NRXN3: variants seen among roughly 807,000 people sequenced by gnomAD.
NRXN3 encodes neurexin III.
Under a neutral mutation model 137.6 loss-of-function variants are expected in NRXN3, and 32 were observed. That is an observed-to-expected ratio of 0.23 (90% CI 0.18 to 0.31). The LOEUF (loss-of-function observed/expected upper bound fraction) is 0.31. NRXN3 is among the 10% of genes least tolerant of loss of function. The pLI is 1.00. For synonymous variants in NRXN3, 798 were observed against 784.5 expected, an observed-to-expected ratio of 1.02 and a Z score of -0.29; for missense variants, 1,574 against 2,062.5, an observed-to-expected ratio of 0.76 and a Z score of 4.59.
intron 8 of NRXN3, among the ~76,000 whole-genome samples, chr14:78,793,050 T>C (rs530478570): frequency 3.9e-4 from 60 of 152,300 alleles, no homozygotes; most frequent in African/African-American, 1.3e-3. Flanking sequence ...CTTGAGGGGA[T>C]GGATACCCCA....
intron 19 of NRXN3, among the ~76,000 whole-genome samples, chr14:79,723,475 A>C (rs1225595834): frequency 6.6e-6 from 1 of 152,136 alleles, no homozygotes; most frequent in Non-Finnish European, 1.5e-5. Flanking sequence ...TGCTCATGCC[A>C]AAAGCAGAGT....
chr14:79,645,441 C>T (rs1160034984), intron 16 of NRXN3, among the ~76,000 whole-genome samples: 3 of 133,060 alleles, frequency 2.3e-5, no homozygotes, highest in Non-Finnish European at 3.5e-5. Flanking sequence ...CATGGTGAAA[C>T]CCCATCTCTA....
intron 8 of NRXN3, among the ~76,000 whole-genome samples, chr14:78,802,422 T>C (rs143641349): frequency 0.013 from 1,931 of 152,206 alleles, 41 homozygotes; most frequent in African/African-American, 0.044. Context: ...TTAGGAGATA[T>C]ACCTAATGTT....
At chr14:78,616,790 C>T (rs1174486090) in intron 4 of NRXN3, among the ~76,000 whole-genome samples, 1 of 152,162 alleles carries the variant, frequency 6.6e-6, no homozygotes, top group Non-Finnish European at 1.5e-5. Flanking sequence ...GTTCTTAAAA[C>T]ACAACTGGAG....
chr14:78,287,128 TTAAAA>T (rs914867018), intron 3 of NRXN3, among the ~76,000 whole-genome samples: 7 of 152,156 alleles, frequency 4.6e-5, no homozygotes, highest in African/African-American at 1.7e-4. Flanking sequence ...AATCACTGTT[TTAAAA>T]TAAAGTCATC....
intron 8 of NRXN3, among the ~76,000 whole-genome samples, chr14:78,743,540 C>T (rs577950482): frequency 6.6e-6 from 1 of 152,282 alleles, no homozygotes; most frequent in South Asian, 2.1e-4. Flanking sequence ...GCTTGCCTGA[C>T]ATTTCTAACT....
intron 10 of NRXN3, among the ~76,000 whole-genome samples, chr14:78,931,825 T>C (rs769776092): frequency 6.6e-6 from 1 of 152,170 alleles, no homozygotes; most frequent in Non-Finnish European, 1.5e-5. Flanking sequence ...TGGCAAATTT[T>C]GGGAAGCAGA....
rs983858242 is a variant in NRXN3 at position 78,420,634 on chromosome 14, G to A, written c.757+122774G>A. Among the ~76,000 whole-genome samples, 5 of 152,264 alleles carry A rather than the reference G, an allele frequency of 3.3e-5. No homozygotes were observed. The South Asian group carries it at 1.0e-3, about 32-fold the overall frequency. On this transcript the variant is annotated intron_variant, in intron 4 of 20. Coordinates refer to ENST00000335750, the MANE Select transcript of NRXN3 (RefSeq NM_001330195.2). ...AAGAGCTATGAAATATATTAATAAC[G>A]AATATTCTCACCTGAAAACTATGAA...
At chr14:79,719,396 A>ATGTGTGTATATATATG (rs747157095) in intron 19 of NRXN3, among the ~76,000 whole-genome samples, 338 of 22,846 alleles carry the variant, frequency 0.015, 2 homozygotes, top group East Asian at 0.04. Context: ...GTGTATATAT[A>ATGTGTGTATATATATG]TGTGTGTATA....
At chr14:79,665,444 A>G (rs964604800) in intron 17 of NRXN3, among the ~76,000 whole-genome samples, 1 of 152,178 alleles carries the variant, frequency 6.6e-6, no homozygotes, top group South Asian at 2.1e-4. Context: ...CAAATTCACT[A>G]CACACTAATA....
chr14:79,133,486 G>A (rs2057832136), intron 15 of NRXN3, among the ~76,000 whole-genome samples: 1 of 152,038 alleles, frequency 6.6e-6, no homozygotes, highest in Non-Finnish European at 1.5e-5. Context: ...GAGCTTTTGT[G>A]TTTTTCTGCT....
chr14:79,813,855 C>T (rs916531314), intron 20 of NRXN3, among the ~76,000 whole-genome samples: 1 of 152,056 alleles, frequency 6.6e-6, no homozygotes, highest in African/African-American at 2.4e-5. Flanking sequence ...AAGAAAAACA[C>T]ATAGAAATGA....
At chr14:78,932,993 G>C (rs1386272508) in intron 10 of NRXN3, among the ~76,000 whole-genome samples, 2 of 152,168 alleles carry the variant, frequency 1.3e-5, no homozygotes, top group Non-Finnish European at 2.9e-5. Flanking sequence ...ATAGCTCATA[G>C]GCAATTCCAA....
chr14:79,501,176 T>A (rs2096822785), intron 16 of NRXN3, among the ~76,000 whole-genome samples: 1 of 152,124 alleles, frequency 6.6e-6, no homozygotes, highest in African/African-American at 2.4e-5. Flanking sequence ...AATGAATTGT[T>A]TGTATGTCTG....
At chr14:78,913,240 C>T (rs1463990854) in intron 10 of NRXN3, among the ~76,000 whole-genome samples, 1 of 136,800 alleles carries the variant, frequency 7.3e-6, no homozygotes, top group African/African-American at 2.8e-5. Flanking sequence ...TTTTTCTTTT[C>T]CTTTCTTTTC....
At chr14:79,147,391 C>T (rs927095168) in intron 15 of NRXN3, among the ~76,000 whole-genome samples, 3 of 152,062 alleles carry the variant, frequency 2.0e-5, no homozygotes, top group Admixed American at 2.0e-4. Flanking sequence ...TGTCATGTTT[C>T]GCAAGGAGGT....
chr14:79,811,861 C>T (rs56027663), intron 20 of NRXN3, among the ~76,000 whole-genome samples: 63,045 of 151,810 alleles, frequency 0.42, 13,463 homozygotes, highest in East Asian at 0.67. Flanking sequence ...GGATTACAGC[C>T]GTGAGCCACC....
intron 16 of NRXN3, among the ~76,000 whole-genome samples, chr14:79,523,065 G>A (rs1030605234): frequency 2.6e-5 from 4 of 151,836 alleles, no homozygotes; most frequent in Admixed American, 1.3e-4. Flanking sequence ...AAAATAAACT[G>A]GGTTGTGGAA....
chr14:78,206,205 T>A (rs1223029482), intron 1 of NRXN3, among the ~76,000 whole-genome samples: 2 of 151,988 alleles, frequency 1.3e-5, no homozygotes, highest in Non-Finnish European at 2.9e-5. Context: ...CATGGAGGAG[T>A]TTCTCTATGT....
Sources: allele counts gnomAD v4.1 joint callset (sites outside exome capture counted in the v4.1 genomes callset), GRCh38; gene constraint gnomAD v4.1.1; transcripts MANE v1.5; gene names NCBI Gene and HGNC (gene_info 2026-07-23, HGNC 2026-07-21).